The following TLL2 variants were observed in gnomAD, a reference collection of about 807,000 sequenced individuals.
TLL2 encodes tolloid-like protein 2.
A neutral mutation model predicts 123.0 loss-of-function variants in TLL2; 106 were observed. The ratio of observed to expected loss-of-function variants is 0.86; its 90% CI spans 0.74 to 1.01. TLL2 has a LOEUF of 1.01. Among genes scored for constraint, TLL2 ranks in the 50% least tolerant of loss-of-function variants. The pLI is 0.00. For synonymous variants in TLL2, 494 were observed against 516.8 expected, an observed-to-expected ratio of 0.96 and a Z score of 0.60; for missense variants, 1,332 against 1,336.7, an observed-to-expected ratio of 1.00 and a Z score of 0.06.
rs141062888 is a variant in TLL2, at chr10:96,386,108, C to A, written c.1960G>T (p.Ala654Ser). The change falls in exon 15 of 21, where the codon GCT becomes TCT. Residue 654 changes from alanine to serine, a missense_variant. Ala to Ser is a moderately conservative substitution (Grantham distance 99). Coordinates refer to ENST00000357947, the MANE Select transcript of TLL2 (RefSeq NM_012465.4). The part of the protein sequence containing the change: ...KNCVWQVVAP[A>S]QYRISLQFEV... ...AACTGAAGGGAGATCCGGTACTGAGCGGGGGCCACCACCTGCCAGACACAG... is the reference window on the plus strand; with the variant it reads ...AACTGAAGGGAGATCCGGTACTGAGAGGGGGCCACCACCTGCCAGACACAG... 1.2e-6 allele frequency: 2 copies of A among 1,612,212 alleles called. No individual in the cohort carries two copies. Among genetic ancestry groups the A allele is most frequent in the East Asian group, 2.2e-5 (1 of 44,682 alleles).
At chr10:96,410,045 G>C (rs948639844) in intron 9 of TLL2, among the ~76,000 whole-genome samples, 3 of 152,174 alleles carry the variant, frequency 2.0e-5, no homozygotes, top group African/African-American at 7.2e-5. Flanking sequence ...CCATCTTCCA[G>C]AGCAGCAATC....
chr10:96,366,985 G>A lies in TLL2; in HGVS notation c.*1103C>T, dbSNP rs543353385. On this transcript the variant is annotated 3_prime_UTR_variant, in exon 21 of 21. Coordinates refer to ENST00000357947, the MANE Select transcript of TLL2 (RefSeq NM_012465.4). ...TTATGAATTCTGTTTGCAAGTTGGT[G>A]ATTGAATACTAGTTAATCAGAGCAA... The A allele has an allele frequency of 6.5e-6, 1 of 152,698 alleles. No individual in the cohort carries two copies. The highest frequency in any genetic ancestry group is 1.9e-4 in the East Asian group (1 of 5,190). 9.5% of individuals were successfully genotyped at this position (152,698 alleles called of 1,614,324 possible).
chr10:96,437,358 G>A (rs1018396005), intron 3 of TLL2, among the ~76,000 whole-genome samples: 2 of 152,098 alleles, frequency 1.3e-5, no homozygotes, highest in African/African-American at 2.4e-5. Context: ...TAGGATATGG[G>A]CATTGATACA....
chr10:96,367,945 A>T lies in TLL2; in HGVS notation c.*143T>A. The T allele has an allele frequency of 3.0e-6, 3 of 1,011,022 alleles. No homozygotes were observed. Among genetic ancestry groups the T allele is most frequent in the Non-Finnish European group, 4.2e-6 (3 of 715,908 alleles). The allele number at this position is 1,011,022 out of a possible 1,614,324, so 62.6% of individuals were successfully genotyped here. On this transcript the variant is annotated 3_prime_UTR_variant, in exon 21 of 21. Coordinates refer to ENST00000357947, the MANE Select transcript of TLL2 (RefSeq NM_012465.4). ...ACTTACAAGACTTTCATTCAAATAT[A>T]TACCTCTAAGGCTGGATTCTGAGTT...
intron 7 of TLL2, among the ~76,000 whole-genome samples, chr10:96,416,782 T>C (rs983480198): frequency 9.2e-5 from 14 of 152,244 alleles, no homozygotes; most frequent in Admixed American, 3.9e-4. Flanking sequence ...GTCCCCTGTG[T>C]AAACCACAGC....
chr10:96,480,058 T>A (rs973968986), intron 2 of TLL2, among the ~76,000 whole-genome samples: 4 of 152,162 alleles, frequency 2.6e-5, no homozygotes, highest in Admixed American at 2.0e-4. Context: ...GACTCTCCAA[T>A]CTGGAAAGTG....
chr10:96,388,768 C>G (rs922976243), intron 13 of TLL2, among the ~76,000 whole-genome samples: 6 of 151,768 alleles, frequency 4.0e-5, no homozygotes, highest in East Asian at 3.8e-4. Flanking sequence ...CTGTGATGCA[C>G]AGACTCCTCA....
chr10:96,421,302 C>T (rs1846618409), intron 6 of TLL2, among the ~76,000 whole-genome samples: 1 of 152,172 alleles, frequency 6.6e-6, no homozygotes, highest in African/African-American at 2.4e-5. Flanking sequence ...ACTCAAACCT[C>T]TTAAAGTAAG....
chr10:96,464,133 G>A (rs184934752), intron 2 of TLL2, among the ~76,000 whole-genome samples: 42 of 152,300 alleles, frequency 2.8e-4, no homozygotes, highest in Admixed American at 1.6e-3. Flanking sequence ...GGAGGCTGAG[G>A]CAGGAGGACT....
intron 1 of TLL2, among the ~76,000 whole-genome samples, chr10:96,481,309 G>T (rs1847309846): frequency 6.6e-6 from 1 of 152,094 alleles, no homozygotes. Context: ...ACCACGCCTG[G>T]CTAATTTTAT....
chr10:96,460,825 GA>G (rs1222335550), intron 2 of TLL2, among the ~76,000 whole-genome samples: 1 of 152,040 alleles, frequency 6.6e-6, no homozygotes, highest in Non-Finnish European at 1.5e-5. Flanking sequence ...CCTTATAAAA[GA>G]GACCCCAGAG....
In TLL2 at chr10:96,500,024, T is replaced by C. The variant is rs187292178; in HGVS notation, c.175+13487A>G. 2.4e-3 allele frequency among the ~76,000 whole-genome samples: 346 copies of C among 145,556 alleles called. 1 individual carries two copies. Among genetic ancestry groups the C allele is most frequent in the African/African-American group, 8.3e-3 (323 of 39,040 alleles). ...AGCTGGGTACGATGCCTCACACCTGTAATCCCAGCACTTTGGGAGGCTGAA... is the reference window on the plus strand; with the variant it reads ...AGCTGGGTACGATGCCTCACACCTGCAATCCCAGCACTTTGGGAGGCTGAA... On this transcript the variant is annotated intron_variant, in intron 1 of 20. Transcript: ENST00000357947.
intron 2 of TLL2, among the ~76,000 whole-genome samples, chr10:96,470,413 T>C (rs1482776591): frequency 6.6e-6 from 1 of 152,232 alleles, no homozygotes; most frequent in Non-Finnish European, 1.5e-5. Context: ...GTGCCCAGCC[T>C]GATGCTGGAA....
rs776387653 is a variant in TLL2, at chr10:96,422,705, G to A, written c.661C>T (p.Arg221Ter). 3.4e-5 allele frequency: 55 copies of A among 1,614,076 alleles called. No individual in the cohort carries two copies. The highest frequency in any genetic ancestry group is 1.6e-4 in the Middle Eastern group (1 of 6,062). ...TCGCCSYVGR[R>*]GGGPQAISIG... is the part of the protein sequence containing the mutation. ...GATATGGCCTGTGGGCCTCCTCCTC[G>A]GCGCCCAACATAGGAGCAACAGCTG... The change falls in exon 6 of 21, where the codon CGA (arginine) becomes TGA (stop). Residue 221 changes from arginine (R) to a stop codon, truncating the protein, a stop_gained. Coordinates refer to ENST00000357947, the MANE Select transcript of TLL2 (RefSeq NM_012465.4). LOFTEE classifies it high-confidence loss of function.
chr10:96,503,240 G>A (rs2134115379), intron 1 of TLL2, among the ~76,000 whole-genome samples: 1 of 152,180 alleles, frequency 6.6e-6, no homozygotes, highest in East Asian at 1.9e-4. Context: ...CAGTGAGGTT[G>A]TTACTTATAA....
chr10:96,509,713 C>A (rs575568719), intron 1 of TLL2, among the ~76,000 whole-genome samples: 2 of 152,198 alleles, frequency 1.3e-5, no homozygotes, highest in Non-Finnish European at 2.9e-5. Flanking sequence ...TTTGGGAGGC[C>A]GAGGCGGGCA....
rs535442493 is a variant in TLL2, at chr10:96,420,980, T to C, written c.899A>G (p.His300Arg). The C allele has an allele frequency of 6.2e-7, 1 of 1,614,122 alleles. No individual in the cohort carries two copies. Among genetic ancestry groups the C allele is most frequent in the South Asian group, 1.1e-5 (1 of 91,072 alleles). ...CCTTGAGAAGGTGTTCCGGGCGTAG[T>C]GCATGATGCTGTCAAAGTCGTATGT... Reference protein sequence around the residue: ...GETYDFDSIMHYARNTFSRGV... With the variant: ...GETYDFDSIMRYARNTFSRGV... The change falls in exon 7 of 21, where the codon CAC becomes CGC. Residue 300 changes from histidine (H) to arginine (R), a missense_variant. Physicochemically the swap from His to Arg is conservative, Grantham distance 29. Transcript: ENST00000357947.
intron 1 of TLL2, among the ~76,000 whole-genome samples, chr10:96,499,771 C>A (rs1039451795): frequency 6.6e-6 from 1 of 151,892 alleles, no homozygotes; most frequent in African/African-American, 2.4e-5. Context: ...GAAAAATGAG[C>A]AGGAACAGAA....
intron 19 of TLL2, among the ~76,000 whole-genome samples, chr10:96,371,131 G>A (rs920380781): frequency 6.6e-6 from 1 of 152,068 alleles, no homozygotes; most frequent in Non-Finnish European, 1.5e-5. Context: ...CGACCAGCCT[G>A]GCCAACATGG....
Sources: gnomAD v4.1 joint callset for allele counts (sites outside exome capture counted in the v4.1 genomes callset) on GRCh38, gnomAD v4.1.1 for gene constraint, MANE v1.5 for transcripts, NCBI Gene and HGNC (gene_info 2026-07-23, HGNC 2026-07-21) for gene names.